Variants in BTBD9 observed in about 807,000 individuals in gnomAD.
BTBD9 encodes BTB domain containing 9.
A neutral mutation model predicts 64.3 loss-of-function variants in BTBD9; 49 were observed. The observed-to-expected ratio is 0.76, with a 90% CI of 0.61 to 0.97. The LOEUF (loss-of-function observed/expected upper bound fraction) is 0.97. Ranked by LOEUF, BTBD9 falls within the 50% of genes least tolerant of loss-of-function variation. BTBD9 has a pLI of 0.00. For synonymous variants in BTBD9, 260 were observed against 274.7 expected, an observed-to-expected ratio of 0.95 and a Z score of 0.53; for missense variants, 598 against 762.1, an observed-to-expected ratio of 0.78 and a Z score of 2.53.
chr6:38,366,268 C>A (rs533283886), intron 6 of BTBD9, among the ~76,000 whole-genome samples: 3 of 152,252 alleles, frequency 2.0e-5, no homozygotes, highest in African/African-American at 7.2e-5. Flanking sequence ...TAAGTACCCC[C>A]TTCCTTGCTT....
chr6:38,251,656 C>T lies in BTBD9; in HGVS notation c.1562+4753G>A, dbSNP rs186452489. Among the ~76,000 whole-genome samples the T allele has an allele frequency of 1.4e-4, 22 of 152,056 alleles. No homozygotes were observed. In the East Asian group the frequency reaches 3.3e-3, roughly 23 times the overall value. On this transcript the variant is annotated intron_variant, in intron 9 of 10. Transcript: ENST00000481247. Reference sequence around the variant, plus strand: ...GGCTCACGCCTGTACTTTGGGAGGCCGAGGTGAATGGATCACCTGTGGTCA... The same window carrying T: ...GGCTCACGCCTGTACTTTGGGAGGCTGAGGTGAATGGATCACCTGTGGTCA...
chr6:38,199,255 C>A (rs1014006770), intron 9 of BTBD9, among the ~76,000 whole-genome samples: 28 of 152,146 alleles, frequency 1.8e-4, no homozygotes, highest in Admixed American at 1.6e-3. Flanking sequence ...GAGACCCCCC[C>A]AGTTCCCTTC....
At chr6:38,429,213 G>C (rs566607655) in intron 6 of BTBD9, among the ~76,000 whole-genome samples, 5 of 151,530 alleles carry the variant, frequency 3.3e-5, no homozygotes, top group South Asian at 4.2e-4. Flanking sequence ...CCAGCACTTT[G>C]GGAGGCTGAG....
intron 6 of BTBD9, among the ~76,000 whole-genome samples, chr6:38,497,175 A>G (rs1771996468): frequency 6.6e-6 from 1 of 152,244 alleles, no homozygotes; most frequent in African/African-American, 2.4e-5. Context: ...AATCTATAAA[A>G]GTCCAATTCT....
At chr6:38,336,258 A>C (rs2127584959) in intron 7 of BTBD9, among the ~76,000 whole-genome samples, 1 of 152,222 alleles carries the variant, frequency 6.6e-6, no homozygotes, top group South Asian at 2.1e-4. Context: ...ATTTTGTGTG[A>C]ATCTCTCCTG....
chr6:38,180,839 C>T (rs561474111), intron 10 of BTBD9, among the ~76,000 whole-genome samples: 16 of 152,316 alleles, frequency 1.1e-4, no homozygotes, highest in Admixed American at 9.8e-4. Flanking sequence ...TGAGAGAAGC[C>T]GGCTAATTTG....
At chr6:38,628,123 G>C (rs1409152322) in intron 1 of BTBD9, among the ~76,000 whole-genome samples, 1 of 152,146 alleles carries the variant, frequency 6.6e-6, no homozygotes, top group Non-Finnish European at 1.5e-5. Context: ...CAGAAGACAT[G>C]GGAGTGACAC....
At chr6:38,285,655 G>A (rs191974257) in intron 8 of BTBD9, among the ~76,000 whole-genome samples, 298 of 152,280 alleles carry the variant, frequency 2.0e-3, no homozygotes, top group Non-Finnish European at 3.3e-3. Context: ...AATTAGAAAT[G>A]TCAGAACAAA....
chr6:38,472,525 T>C (rs1278643365), intron 6 of BTBD9, among the ~76,000 whole-genome samples: 2 of 152,136 alleles, frequency 1.3e-5, no homozygotes, highest in African/African-American at 4.8e-5. Flanking sequence ...GTCTTTTATA[T>C]AACTTAAAAA....
chr6:38,193,721 A>T, intron 9 of BTBD9: 1 of 725,360 alleles, frequency 1.4e-6, no homozygotes, highest in African/African-American at 2.2e-5. Context: ...CTCCGCTCTC[A>T]CAGTGGAAAT....
intron 6 of BTBD9, among the ~76,000 whole-genome samples, chr6:38,460,771 C>T (rs1350188526): frequency 6.6e-6 from 1 of 152,104 alleles, no homozygotes; most frequent in Non-Finnish European, 1.5e-5. Context: ...CTACAGGCGC[C>T]TGCCATCACG....
intron 6 of BTBD9, chr6:38,481,877 A>G (rs1301924414): frequency 2.0e-5 from 3 of 152,236 alleles, no homozygotes; most frequent in African/African-American, 7.2e-5. Flanking sequence ...GTTCAGTTGG[A>G]TATAACTTAC....
At chr6:38,523,427 T>C (rs1773353889) in intron 6 of BTBD9, among the ~76,000 whole-genome samples, 1 of 152,150 alleles carries the variant, frequency 6.6e-6, no homozygotes, top group Admixed American at 6.5e-5. Context: ...TCCAGACAGT[T>C]TGGACTTTCA....
At chr6:38,178,852 TTA>T (rs2127472371) in intron 10 of BTBD9, among the ~76,000 whole-genome samples, 1 of 150,794 alleles carries the variant, frequency 6.6e-6, no homozygotes, top group African/African-American at 2.4e-5. Context: ...GGCTATTTAT[TTA>T]TTTATTTATT....
chr6:38,525,270 C>T (rs1773437300), intron 6 of BTBD9, among the ~76,000 whole-genome samples: 1 of 152,198 alleles, frequency 6.6e-6, no homozygotes, highest in Admixed American at 6.5e-5. Context: ...GCTCTCTCTC[C>T]TGCAACCTTG....
At chr6:38,189,698 G>C (rs1582022298) in intron 10 of BTBD9, among the ~76,000 whole-genome samples, 1 of 151,536 alleles carries the variant, frequency 6.6e-6, no homozygotes, top group African/African-American at 2.4e-5. Flanking sequence ...TATTGAGATG[G>C]AGCCTTGTTC....
intron 6 of BTBD9, among the ~76,000 whole-genome samples, chr6:38,414,679 T>C (rs2127264700): frequency 6.6e-6 from 1 of 152,318 alleles, no homozygotes; most frequent in Non-Finnish European, 1.5e-5. Context: ...CTATGCACTC[T>C]TAATGTAACT....
chr6:38,344,714 C>G (rs903533570), intron 7 of BTBD9, among the ~76,000 whole-genome samples: 6 of 152,234 alleles, frequency 3.9e-5, no homozygotes, highest in African/African-American at 1.4e-4. Flanking sequence ...CTATCACAAA[C>G]ATTCCCTACA....
chr6:38,172,889 C>CAGGA lies in BTBD9; in HGVS notation c.*2092_*2095dup, dbSNP rs2127467267. The stretch of plus-strand genomic sequence containing the variant: ...AAGCTGCTATCTCGTTCCCGGAGCA[C>CAGGA]AGGAGGGCTCTGCGTGCTCTGTGGG... On this transcript the variant is annotated 3_prime_UTR_variant, in exon 11 of 11. Coordinates refer to ENST00000481247, the MANE Select transcript of BTBD9 (RefSeq NM_001099272.2). 1 of 152,410 alleles carries CAGGA rather than the reference C, an allele frequency of 6.6e-6. No individual in the cohort carries two copies. Among genetic ancestry groups the CAGGA allele is most frequent in the South Asian group, 2.1e-4 (1 of 4,826 alleles). The allele number at this position is 152,410 out of a possible 1,614,324, so 9.4% of individuals were successfully genotyped here. A position where few individuals can be genotyped will look rare whatever the true frequency, so the allele number is the denominator to read the frequency against.
Sources: gnomAD v4.1 joint callset for allele counts (sites outside exome capture counted in the v4.1 genomes callset) on GRCh38, gnomAD v4.1.1 for gene constraint, MANE v1.5 for transcripts, NCBI Gene and HGNC (gene_info 2026-07-23, HGNC 2026-07-21) for gene names.